SARDH: variants seen among roughly 807,000 people sequenced by gnomAD.
The protein encoded by SARDH is sarcosine dehydrogenase, mitochondrial.
SARDH carries 95 observed loss-of-function variants against 109.1 expected under a neutral mutation model. That is an observed-to-expected ratio of 0.87 (90% CI 0.74 to 1.03). The LOEUF is 1.03. Among genes scored for constraint, SARDH ranks in the 50% least tolerant of loss-of-function variants. The probability of loss-of-function intolerance (pLI) is 0.00; values close to 1 mark genes in which losing one functional copy is unlikely to be tolerated. For synonymous variants in SARDH, 572 were observed against 534.8 expected (o/e 1.07, Z -0.96); for missense variants, 1,267 against 1,287.8 (o/e 0.98, Z 0.25).
intron 17 of SARDH, among the ~76,000 whole-genome samples, chr9:133,674,848 A>G (rs1448770049): frequency 6.6e-6 from 1 of 152,264 alleles, no homozygotes; most frequent in Non-Finnish European, 1.5e-5. Context: ...CCAAAAGCAC[A>G]GGTCACAAAA....
intron 17 of SARDH, among the ~76,000 whole-genome samples, chr9:133,678,643 G>C (rs996338317): frequency 4.6e-5 from 7 of 152,214 alleles, no homozygotes; most frequent in African/African-American, 1.7e-4. Context: ...AGAGGCCAAG[G>C]GGGAGCTGCA....
In SARDH at chr9:133,732,433, C is replaced by T; in HGVS notation, c.500G>A (p.Arg167Lys). 1.9e-6 allele frequency: 3 copies of T among 1,602,042 alleles called. No individual in the cohort carries two copies. Among genetic ancestry groups the T allele is most frequent in the Non-Finnish European group, 2.6e-6 (3 of 1,172,680 alleles). ...CAGGGGAGCACACACCGACATGAGC[C>T]TCTTGTACTCGTCCAGGCGCTGCCG... ...SNRQRLDEYKRLMSLGKAYGV... is the reference protein window; with the variant it reads ...SNRQRLDEYKKLMSLGKAYGV... The change falls in exon 3 of 21, where the codon AGG (arginine) becomes AAG (lysine). Residue 167 changes from arginine (R) to lysine (K), a missense_variant. Transcript: ENST00000439388.
chr9:133,729,770 T>A lies in SARDH; in HGVS notation c.910A>T (p.Ile304Phe), dbSNP rs543703524. 4 of 1,612,120 alleles carry A rather than the reference T, an allele frequency of 2.5e-6. No homozygotes were observed. In the South Asian group the frequency reaches 3.3e-5, roughly 13 times the overall value. ...ACCCGGGGCTGTCCACCTACCTGAA[T>A]CCCCTCGATGCGCTCGGTGACGACA... ...AYVVTERIEG[I>F]QNMPNVRDHD... is the part of the protein sequence containing the mutation. The change falls in exon 6 of 21, where the codon ATT (isoleucine) becomes TTT (phenylalanine). Residue 304 changes from isoleucine (I) to phenylalanine (F), a missense_variant. Transcript: ENST00000439388.
intron 8 of SARDH, among the ~76,000 whole-genome samples, chr9:133,713,472 G>T (rs1279061144): frequency 6.6e-6 from 1 of 152,244 alleles, no homozygotes; most frequent in Non-Finnish European, 1.5e-5. Flanking sequence ...CCAGCGTCCT[G>T]CTGTGTCCCT....
chr9:133,716,467 C>G (rs1832125504), intron 8 of SARDH, among the ~76,000 whole-genome samples: 1 of 152,226 alleles, frequency 6.6e-6, no homozygotes, highest in African/African-American at 2.4e-5. Context: ...CTCCTGCTTC[C>G]CAGAGAGTGC....
intron 19 of SARDH, among the ~76,000 whole-genome samples, chr9:133,667,461 C>T (rs1032301125): frequency 4.0e-5 from 6 of 151,892 alleles, no homozygotes; most frequent in African/African-American, 1.2e-4. Flanking sequence ...CCACTGCGCC[C>T]GGCCAGGTTC....
At position 133,734,348 on chromosome 9, in the gene SARDH, T is replaced by C. The variant is rs111461443; in HGVS notation, c.-30-145A>G. On this transcript the variant is annotated intron_variant, in intron 1 of 20. Transcript: ENST00000439388. ...CCCATGGCATTCATTCATTCACTCA[T>C]TCATTCATTCATTCACTCATTCATT... 8.2e-3 allele frequency: 3,120 copies of C among 380,792 alleles called. 145 individuals carry two copies. Among genetic ancestry groups the C allele is most frequent in the African/African-American group, 0.076 (2,839 of 37,480 alleles). 23.6% of individuals were successfully genotyped at this position (380,792 alleles called of 1,614,324 possible).
chr9:133,700,507 CAG>C (rs1444807070), intron 13 of SARDH, among the ~76,000 whole-genome samples: 3 of 152,008 alleles, frequency 2.0e-5, no homozygotes, highest in Non-Finnish European at 4.4e-5. Flanking sequence ...GATATATCTA[CAG>C]AGAGAGAAAG....
Position 133,709,972 on chromosome 9 carries a change from C to T in SARDH, c.1329-1544G>A, listed in dbSNP as rs1488658042. On this transcript the variant is annotated intron_variant, in intron 10 of 20. Coordinates refer to ENST00000439388, the MANE Select transcript of SARDH (RefSeq NM_001134707.2). The surrounding 1 kb of genome is among the most constrained non-coding windows in gnomAD (Gnocchi z 4.2). ...TTCTTGGGGGCAGCAGTGAGGTGCACGTCGGGTGGCAGGAGCAGCGAGTGA... is the reference window on the plus strand; with the variant it reads ...TTCTTGGGGGCAGCAGTGAGGTGCATGTCGGGTGGCAGGAGCAGCGAGTGA... Among the ~76,000 whole-genome samples, 1 of 152,140 alleles carries T rather than the reference C, an allele frequency of 6.6e-6. No homozygotes were observed. Among genetic ancestry groups the T allele is most frequent in the Non-Finnish European group, 1.5e-5 (1 of 68,034 alleles).
intron 10 of SARDH, among the ~76,000 whole-genome samples, chr9:133,710,566 G>C (rs1220757816): frequency 6.6e-6 from 1 of 152,218 alleles, no homozygotes; most frequent in African/African-American, 2.4e-5. Flanking sequence ...GGAGCAACCA[G>C]GAGTCTCTGA....
At chr9:133,670,269 C>T (rs1347298692) in intron 19 of SARDH, among the ~76,000 whole-genome samples, 2 of 146,230 alleles carry the variant, frequency 1.4e-5, no homozygotes, top group East Asian at 4.1e-4. Flanking sequence ...GCGGAGGTTG[C>T]AGTGAGCCGA....
downstream of SARDH, among the ~76,000 whole-genome samples, chr9:133,663,356 T>C (rs1829947452): frequency 1.3e-5 from 2 of 152,210 alleles, no homozygotes; most frequent in Admixed American, 1.3e-4. Flanking sequence ...CCAGCTCCTG[T>C]TCCGACCTGA....
downstream of SARDH, among the ~76,000 whole-genome samples, chr9:133,663,347 C>T (rs545376714): frequency 1.3e-5 from 2 of 152,360 alleles, no homozygotes; most frequent in South Asian, 2.1e-4. Flanking sequence ...AAGAGCTTTC[C>T]AGCTCCTGTT....
chr9:133,727,569 C>T (rs2131494755), intron 6 of SARDH, among the ~76,000 whole-genome samples: 1 of 152,354 alleles, frequency 6.6e-6, no homozygotes, highest in South Asian at 2.1e-4. Flanking sequence ...ACACCAACTG[C>T]CTAGCTGCAG....
intron 10 of SARDH, among the ~76,000 whole-genome samples, chr9:133,710,564 C>A (rs1017886405): frequency 6.6e-6 from 1 of 152,226 alleles, no homozygotes; most frequent in African/African-American, 2.4e-5. Context: ...GGGGAGCAAC[C>A]AGGAGTCTCT....
rs1830888504 is a variant in SARDH at position 133,686,446 on chromosome 9, T to C, written c.2070-1160A>G. On this transcript the variant is annotated intron_variant, in intron 16 of 20. Transcript: ENST00000439388. The surrounding 1 kb of genome is among the most constrained non-coding windows in gnomAD (Gnocchi z 4.0). ...CCCCAGGAAGCCCTCCCTGACTCCC[T>C]AGGTCTTGGGCAGGTACTCGTTGTC... Among the ~76,000 whole-genome samples, 1 of 152,102 alleles carries C rather than the reference T, an allele frequency of 6.6e-6. No homozygotes were observed. The highest frequency in any genetic ancestry group is 1.5e-5 in the Non-Finnish European group (1 of 67,996).
intron 8 of SARDH, among the ~76,000 whole-genome samples, chr9:133,717,053 A>G (rs1231295683): frequency 1.3e-5 from 2 of 152,182 alleles, no homozygotes; most frequent in Non-Finnish European, 2.9e-5. Flanking sequence ...CCAGGTGGGG[A>G]AGCCAGGACC....
chr9:133,730,337 G>C, intron 4 of SARDH, 150 bp from the exon 5 acceptor site: 1 of 1,024,936 alleles, frequency 9.8e-7, no homozygotes, highest in Non-Finnish European at 1.4e-6. Context: ...AGGGAAACCG[G>C]ATGACCACAG....
Position 133,671,601 on chromosome 9 carries a change from C to G in SARDH, c.2260G>C (p.Ala754Pro). The G allele has an allele frequency of 6.2e-7, 1 of 1,605,004 alleles. No individual in the cohort carries two copies. ...CVPVYRAVMA[A>P]GAKHGLINAG... ...TTGATGAGGCCGTGCTTGGCACCCG[C>G]GGCCATCACAGCCCGGTACACAGGC... The change falls in exon 18 of 21, where the codon GCG (alanine) becomes CCG (proline). Residue 754 changes from alanine to proline, a missense_variant. Ala to Pro is a conservative substitution (Grantham distance 27). Coordinates refer to ENST00000439388, the MANE Select transcript of SARDH (RefSeq NM_001134707.2).
Sources: allele counts gnomAD v4.1 joint callset (sites outside exome capture counted in the v4.1 genomes callset), GRCh38; gene constraint gnomAD v4.1.1; non-coding constraint Gnocchi (gnomAD v3.1); transcripts MANE v1.5; gene names NCBI Gene and HGNC (gene_info 2026-07-23, HGNC 2026-07-21).